The following OR7A5 variants were observed in gnomAD, a reference collection of about 807,000 sequenced individuals.
OR7A5 encodes the protein olfactory receptor 7A5.
For synonymous variants in OR7A5, 140 were observed against 146.7 expected (o/e 0.95, Z 0.33); for missense variants, 319 against 377.9 (o/e 0.84, Z 1.29).
intron 1 of OR7A5, among the ~76,000 whole-genome samples, chr19:14,834,217 A>G (rs770644117): frequency 2.0e-5 from 3 of 152,196 alleles, no homozygotes; most frequent in Non-Finnish European, 2.9e-5. Flanking sequence ...AGCTGAGATC[A>G]TGCTACTGCA....
At chr19:14,831,388 G>T (rs1320945536) in intron 1 of OR7A5, among the ~76,000 whole-genome samples, 2 of 152,070 alleles carry the variant, frequency 1.3e-5, no homozygotes, top group East Asian at 3.9e-4. Context: ...AGTGGATGAA[G>T]CAGTCCCTTT....
chr19:14,827,715 TG>T lies in OR7A5; in HGVS notation c.526del (p.His176ThrfsTer23), dbSNP rs763043494. On this transcript the variant is annotated frameshift_variant, in exon 2 of 2. Transcript: ENST00000322301. LOFTEE classifies it low-confidence loss of function (END_TRUNC). ...LSFCTALEIP[H>X]FFCELNQVIQ... ...GACCTGATTAAGTTCACAGAAAAAG[TG>T]GGGGATTTCTAAGGCTGTGCAGAAG... 1 of 1,613,870 alleles carries T rather than the reference TG, an allele frequency of 6.2e-7. No individual in the cohort carries two copies. The highest frequency in any genetic ancestry group is 1.1e-5 in the South Asian group (1 of 91,052).
At chr19:14,832,624 A>G (rs2044844578) in intron 1 of OR7A5, among the ~76,000 whole-genome samples, 2 of 151,012 alleles carry the variant, frequency 1.3e-5, no homozygotes, top group Non-Finnish European at 3.0e-5. Context: ...TCGGGGTTTC[A>G]CCATGTTGGC....
At chr19:14,831,221 A>G (rs2044829187) in intron 1 of OR7A5, among the ~76,000 whole-genome samples, 2 of 152,242 alleles carry the variant, frequency 1.3e-5, no homozygotes, top group South Asian at 2.1e-4. Flanking sequence ...ATATCCTAAT[A>G]GAAAAATGGA....
intron 1 of OR7A5, among the ~76,000 whole-genome samples, chr19:14,829,649 C>A (rs1400774395): frequency 1.3e-5 from 2 of 152,178 alleles, no homozygotes; most frequent in Non-Finnish European, 2.9e-5. Flanking sequence ...GACAAAGTGT[C>A]CATCTGTCTA....
chr19:14,834,728 C>T (rs1408789246), intron 1 of OR7A5, among the ~76,000 whole-genome samples: 1 of 152,142 alleles, frequency 6.6e-6, no homozygotes, highest in African/African-American at 2.4e-5. Context: ...GTATATCCCT[C>T]CACAGCCAAT....
intron 1 of OR7A5, among the ~76,000 whole-genome samples, chr19:14,832,878 TATA>T (rs915005561): frequency 3.3e-5 from 5 of 152,314 alleles, no homozygotes; most frequent in South Asian, 2.1e-4. Context: ...ACTGACATGC[TATA>T]ATAATAATTT....
intron 1 of OR7A5, among the ~76,000 whole-genome samples, chr19:14,832,307 A>G (rs1395076729): frequency 1.3e-5 from 2 of 152,046 alleles, no homozygotes; most frequent in Admixed American, 6.6e-5. Flanking sequence ...CTGTATTTTC[A>G]CCATTATAGC....
At chr19:14,829,015 G>A (rs1402501316) in intron 1 of OR7A5, among the ~76,000 whole-genome samples, 1 of 152,134 alleles carries the variant, frequency 6.6e-6, no homozygotes, top group Non-Finnish European at 1.5e-5. Flanking sequence ...CAGGTAAAAA[G>A]GAGGGAGGGT....
At chr19:14,834,789 C>T (rs2044868930) in intron 1 of OR7A5, among the ~76,000 whole-genome samples, 1 of 152,170 alleles carries the variant, frequency 6.6e-6, no homozygotes, top group African/African-American at 2.4e-5. Context: ...TGTACTTTTA[C>T]AAAAATCATT....
intron 1 of OR7A5, among the ~76,000 whole-genome samples, chr19:14,830,944 G>A (rs765351497): frequency 4.6e-5 from 7 of 152,090 alleles, no homozygotes; most frequent in Non-Finnish European, 5.9e-5. Flanking sequence ...TATCAGTACC[G>A]CACAAAGCCC....
intron 1 of OR7A5, among the ~76,000 whole-genome samples, chr19:14,829,716 A>G (rs2044812444): frequency 6.6e-6 from 1 of 152,200 alleles, no homozygotes; most frequent in Admixed American, 6.5e-5. Flanking sequence ...CATCAATTGA[A>G]ATGCATCCCC....
At chr19:14,829,699 G>A (rs1283190820) in intron 1 of OR7A5, among the ~76,000 whole-genome samples, 1 of 152,190 alleles carries the variant, frequency 6.6e-6, no homozygotes. Flanking sequence ...GGACTAGAAA[G>A]GTGTCACATC....
rs1416505894 is a variant in OR7A5, at chr19:14,828,154, GC to G, written c.87del (p.Leu30CysfsTer53). ...GTGACCAGGTACATGGACAGGAACAGCCCAAAGAGGAAGGGTTGCAGTCCAG... is the reference window on the plus strand; with the variant it reads ...GTGACCAGGTACATGGACAGGAACAGCCAAAGAGGAAGGGTTGCAGTCCAG... ...QEPGLQPFLFGLFLSMYLVTV... is the reference protein window; with the variant it reads ...QEPGLQPFLFXLFLSMYLVTV... On this transcript the variant is annotated frameshift_variant, in exon 2 of 2. Coordinates refer to ENST00000322301, the MANE Select transcript of OR7A5 (RefSeq NM_017506.2). LOFTEE classifies it low-confidence loss of function (END_TRUNC). 6.2e-7 allele frequency: 1 copy of G among 1,614,046 alleles called. No individual in the cohort carries two copies. Among genetic ancestry groups the G allele is most frequent in the East Asian group, 2.2e-5 (1 of 44,888 alleles).
Position 14,826,341 on chromosome 19 carries a change from C to T in OR7A5, c.*941G>A, listed in dbSNP as rs1320757995. The T allele has an allele frequency of 6.6e-6, 1 of 152,132 alleles. No individual in the cohort carries two copies. Among genetic ancestry groups the T allele is most frequent in the Non-Finnish European group, 1.5e-5 (1 of 68,022 alleles). The allele number at this position is 152,132 out of a possible 1,614,324, so 9.4% of individuals were successfully genotyped here. On this transcript the variant is annotated 3_prime_UTR_variant, in exon 2 of 2. Transcript: ENST00000322301. ...ACATTGAATATTGTTCACTGACCTGCACTTTAATGTTTACGACAAAATTTT... is the reference window on the plus strand; with the variant it reads ...ACATTGAATATTGTTCACTGACCTGTACTTTAATGTTTACGACAAAATTTT...
In OR7A5 at chr19:14,827,524, T is replaced by C. The variant is rs779326501; in HGVS notation, c.718A>G (p.Thr240Ala). 11 of 1,613,842 alleles carry C rather than the reference T, an allele frequency of 6.8e-6. No individual in the cohort carries two copies. The highest frequency in any genetic ancestry group is 1.1e-5 in the South Asian group (1 of 91,072). ...SAQGKYKAFS[T>A]CASHLSVVSL... Reference sequence around the variant, plus strand: ...ACAACTGAGAGGTGAGATGCACAGGTGGAAAATGCCTTGTACTTCCCCTGA... The same window carrying C: ...ACAACTGAGAGGTGAGATGCACAGGCGGAAAATGCCTTGTACTTCCCCTGA... The change falls in exon 2 of 2, where the codon ACC becomes GCC. Residue 240 changes from threonine (T) to alanine (A), a missense_variant. Physicochemically the swap from Thr to Ala is moderately conservative, Grantham distance 58. Transcript: ENST00000322301.
In OR7A5 at chr19:14,828,215, A is replaced by C; in HGVS notation, c.27T>G (p.Ile9Met). The change falls in exon 2 of 2, where the codon ATT (isoleucine) becomes ATG (methionine). Residue 9 changes from isoleucine to methionine, a missense_variant. By Grantham distance (10) the Ile-to-Met change is conservative (BLOSUM62 1). Coordinates refer to ENST00000322301, the MANE Select transcript of OR7A5 (RefSeq NM_017506.2). ...AAAATCCCAGAAGAAGAAATTCTGA[A>C]ATTTGTGTATCATTTCCTGGTTCCA... MEPGNDTQ[I>M]SEFLLLGFSQ... The C allele has an allele frequency of 6.2e-7, 1 of 1,612,594 alleles. No individual in the cohort carries two copies. Among genetic ancestry groups the C allele is most frequent in the South Asian group, 1.1e-5 (1 of 90,978 alleles).
At chr19:14,834,058 G>A (rs758280961) in intron 1 of OR7A5, among the ~76,000 whole-genome samples, 1 of 128,586 alleles carries the variant, frequency 7.8e-6, no homozygotes, top group Non-Finnish European at 1.7e-5. Context: ...CCAGGAGTTC[G>A]AGACCAGCCT....
intron 1 of OR7A5, among the ~76,000 whole-genome samples, chr19:14,834,283 G>C (rs1213485278): frequency 6.6e-6 from 1 of 151,964 alleles, no homozygotes; most frequent in Non-Finnish European, 1.5e-5. Context: ...CTGTCTCAAA[G>C]AAAAAACAAA....
Sources: allele counts gnomAD v4.1 joint callset (sites outside exome capture counted in the v4.1 genomes callset), GRCh38; gene constraint gnomAD v4.1.1; transcripts MANE v1.5; gene names NCBI Gene and HGNC (gene_info 2026-07-23, HGNC 2026-07-21).